Variants in ADAMTS19 observed in about 807,000 individuals in gnomAD.
The protein encoded by ADAMTS19 is A disintegrin and metalloproteinase with thrombospondin motifs 19.
In ADAMTS19, 93 loss-of-function variants were observed where a neutral mutation model predicts 153.3. The ratio of observed to expected loss-of-function variants is 0.61; its 90% CI spans 0.51 to 0.72. ADAMTS19 has a LOEUF of 0.72. Among genes scored for constraint, ADAMTS19 ranks in the 30% least tolerant of loss-of-function variants. ADAMTS19 has a pLI of 0.00. For missense variants in ADAMTS19, 1,482 were observed against 1,552.1 expected (o/e 0.95, Z 0.76); for synonymous variants, 600 against 556.6 (o/e 1.08, Z -1.10).
intron 2 of ADAMTS19, among the ~76,000 whole-genome samples, chr5:129,493,265 T>C (rs1318137765): frequency 6.6e-6 from 1 of 152,190 alleles, no homozygotes; most frequent in Non-Finnish European, 1.5e-5. Context: ...ATTTGAAACA[T>C]TGAAATTGTG....
rs1360467704 is a variant in ADAMTS19 at position 129,608,086 on chromosome 5, A to ATGTGTGTG, written c.1478+11423_1478+11424insGTGTGTGT. Among the ~76,000 whole-genome samples the ATGTGTGTG allele has an allele frequency of 3.0e-3, 174 of 57,150 alleles. 27 individuals are homozygous for ATGTGTGTG. Among genetic ancestry groups the ATGTGTGTG allele is most frequent in the Non-Finnish European group, 4.0e-3 (120 of 29,978 alleles). 37.5% of individuals were successfully genotyped at this position (57,150 alleles called of 152,430 possible). ...ATTCATTATATAATTGGAATTTTAT[A>ATGTGTGTG]TATATGTGTGTGTGTGTGTGTGTGT... On this transcript the variant is annotated intron_variant, in intron 8 of 22. Coordinates refer to ENST00000274487, the MANE Select transcript of ADAMTS19 (RefSeq NM_133638.6).
chr5:129,522,867 C>T (rs1363671502), intron 3 of ADAMTS19, among the ~76,000 whole-genome samples: 1 of 152,012 alleles, frequency 6.6e-6, no homozygotes, highest in East Asian at 1.9e-4. Flanking sequence ...ACCAGACTGA[C>T]CAACATGGCG....
chr5:129,644,362 G>A (rs1258706196), intron 11 of ADAMTS19, among the ~76,000 whole-genome samples: 1 of 152,174 alleles, frequency 6.6e-6, no homozygotes, highest in Non-Finnish European at 1.5e-5. Context: ...TTGAATGCTT[G>A]CAACCTCACA....
intron 8 of ADAMTS19, among the ~76,000 whole-genome samples, chr5:129,614,863 A>T (rs1354323163): frequency 5.3e-5 from 8 of 152,198 alleles, no homozygotes; most frequent in Non-Finnish European, 7.3e-5. Context: ...GCAATGTGCA[A>T]AAATCACAAG....
At chr5:129,505,901 A>C (rs1223954821) in intron 2 of ADAMTS19, among the ~76,000 whole-genome samples, 5 of 152,150 alleles carry the variant, frequency 3.3e-5, no homozygotes, top group African/African-American at 1.2e-4. Flanking sequence ...TATGAAAAAC[A>C]CTTATATACT....
Position 129,522,206 on chromosome 5 carries a change from T to C in ADAMTS19, c.914-4078T>C, listed in dbSNP as rs190185319. ...TGTTGAAAAAAAATATATATATATA[T>C]ACACACACATATGTATATATGTTAG... On this transcript the variant is annotated intron_variant, in intron 3 of 22. Coordinates refer to ENST00000274487, the MANE Select transcript of ADAMTS19 (RefSeq NM_133638.6). Among the ~76,000 whole-genome samples the C allele has an allele frequency of 5.3e-4, 79 of 148,878 alleles. 2 individuals are homozygous for C. The East Asian group carries it at 0.014, about 26-fold the overall frequency.
chr5:129,461,117 C>A lies in ADAMTS19; in HGVS notation c.107C>A (p.Pro36His). 7.0e-7 allele frequency: 1 copy of A among 1,419,456 alleles called. No individual in the cohort carries two copies. Among genetic ancestry groups the A allele is most frequent in the Non-Finnish European group, 9.2e-7 (1 of 1,085,202 alleles). 87.9% of individuals were successfully genotyped at this position (1,419,456 alleles called of 1,614,324 possible). A position where few individuals can be genotyped will look rare whatever the true frequency, so the allele number is the denominator to read the frequency against. The change falls in exon 2 of 23, where the codon CCC becomes CAC. Residue 36 changes from proline to histidine, a missense_variant. This residue lies in a region of ADAMTS19 where 866 missense variants were observed against 827.7 expected (regional missense o/e 1.05). Transcript: ENST00000274487. The surrounding 1 kb of genome is among the most constrained non-coding windows in gnomAD (Gnocchi z 4.6). Reference sequence around the variant, plus strand: ...CCGCCCGCAGAGCTGCAGTTCGCCCCCGACCGCGAGGAGTGGGAAGTCGTG... The same window carrying A: ...CCGCCCGCAGAGCTGCAGTTCGCCCACGACCGCGAGGAGTGGGAAGTCGTG... ...NGIVSELQFA[P>H]DREEWEVVFP...
rs186288404 is a variant in ADAMTS19, at chr5:129,631,479, C to T, written c.1770+9131C>T. On this transcript the variant is annotated intron_variant, in intron 10 of 22. Coordinates refer to ENST00000274487, the MANE Select transcript of ADAMTS19 (RefSeq NM_133638.6). The stretch of plus-strand genomic sequence containing the variant: ...TATGACTGCAATTGTCTACTCCCTT[C>T]GATTATGTCAGATTTTGATTCATAC... Among the ~76,000 whole-genome samples the T allele has an allele frequency of 2.4e-3, 364 of 151,978 alleles. 2 individuals are homozygous for T. The highest frequency in any genetic ancestry group is 6.8e-3 in the African/African-American group (283 of 41,518).
chr5:129,602,507 A>G (rs1750708629), intron 8 of ADAMTS19, among the ~76,000 whole-genome samples: 1 of 152,218 alleles, frequency 6.6e-6, no homozygotes, highest in African/African-American at 2.4e-5. Flanking sequence ...ATGTATTCAT[A>G]TCTAATTCAA....
intron 6 of ADAMTS19, among the ~76,000 whole-genome samples, chr5:129,538,046 G>T (rs938488635): frequency 6.6e-6 from 1 of 152,040 alleles, no homozygotes; most frequent in Admixed American, 6.6e-5. Context: ...GTGAGTCTAG[G>T]TTAAACATTT....
At chr5:129,661,487 A>G (rs763272945) in intron 15 of ADAMTS19, among the ~76,000 whole-genome samples, 1 of 152,176 alleles carries the variant, frequency 6.6e-6, no homozygotes, top group African/African-American at 2.4e-5. Flanking sequence ...TTTGAAGGCC[A>G]TACAGCCCTG....
chr5:129,726,357 A>G (rs1350229652), intron 21 of ADAMTS19, among the ~76,000 whole-genome samples: 1 of 152,188 alleles, frequency 6.6e-6, no homozygotes, highest in African/African-American at 2.4e-5. Flanking sequence ...ATAGCAAGTT[A>G]TCTGGTAAAC....
At chr5:129,678,760 A>T (rs2127113616) in intron 16 of ADAMTS19, among the ~76,000 whole-genome samples, 1 of 152,306 alleles carries the variant, frequency 6.6e-6, no homozygotes, top group African/African-American at 2.4e-5. Flanking sequence ...ATATACACAT[A>T]ATTAGTATAT....
intron 7 of ADAMTS19, among the ~76,000 whole-genome samples, chr5:129,590,366 G>A (rs541839450): frequency 3.3e-5 from 5 of 152,106 alleles, no homozygotes; most frequent in South Asian, 2.1e-4. Context: ...TGATTTCTAC[G>A]TGTTTTTAGC....
At chr5:129,574,203 A>C (rs2126870022) in intron 7 of ADAMTS19, among the ~76,000 whole-genome samples, 1 of 152,250 alleles carries the variant, frequency 6.6e-6, no homozygotes, top group South Asian at 2.1e-4. Context: ...TGTCTAAATT[A>C]CTTAGCATTC....
chr5:129,468,486 T>G (rs941956818), intron 2 of ADAMTS19, among the ~76,000 whole-genome samples: 1 of 152,016 alleles, frequency 6.6e-6, no homozygotes, highest in Non-Finnish European at 1.5e-5. Context: ...CCTAAGTAGC[T>G]GGGACTACAG....
At chr5:129,588,500 CTTTCT>C (rs1363055135) in intron 7 of ADAMTS19, among the ~76,000 whole-genome samples, 6 of 151,944 alleles carry the variant, frequency 3.9e-5, no homozygotes, top group Non-Finnish European at 5.9e-5. Context: ...TGTATCTTTA[CTTTCT>C]TTTCATCTAT....
intron 2 of ADAMTS19, among the ~76,000 whole-genome samples, chr5:129,470,172 ATATAG>A (rs1156786257): frequency 6.6e-6 from 1 of 152,242 alleles, no homozygotes; most frequent in East Asian, 1.9e-4. Context: ...TAACTGAATC[ATATAG>A]TATTCTTTTA....
At position 129,616,035 on chromosome 5, in the gene ADAMTS19, T is replaced by C. The variant is rs540114140; in HGVS notation, c.1479-4583T>C. 2.9e-4 allele frequency among the ~76,000 whole-genome samples: 44 copies of C among 152,090 alleles called. 1 individual carries two copies. Among genetic ancestry groups the C allele is most frequent in the African/African-American group, 1.0e-3 (43 of 41,550 alleles). ...AGGAATCTCTTTTTGTACCTCTACTTTTCTTCTTTTAACCTCTAATTTTTT... is the reference window on the plus strand; with the variant it reads ...AGGAATCTCTTTTTGTACCTCTACTCTTCTTCTTTTAACCTCTAATTTTTT... On this transcript the variant is annotated intron_variant, in intron 8 of 22. Transcript: ENST00000274487.
Sources: allele counts gnomAD v4.1 joint callset (sites outside exome capture counted in the v4.1 genomes callset), GRCh38; gene constraint gnomAD v4.1.1; regional missense constraint gnomAD v4.1.1; non-coding constraint Gnocchi (gnomAD v3.1); transcripts MANE v1.5; gene names NCBI Gene and HGNC (gene_info 2026-07-23, HGNC 2026-07-21).